CALN1: variants seen among roughly 807,000 people sequenced by gnomAD.
CALN1 encodes calcium-binding protein 8.
A neutral mutation model predicts 30.6 loss-of-function variants in CALN1; 17 were observed. That is an observed-to-expected ratio of 0.56 (90% CI 0.38 to 0.83). The LOEUF is 0.83. Among genes scored for constraint, CALN1 ranks in the 40% least tolerant of loss-of-function variants. The pLI, the probability that CALN1 is intolerant of heterozygous loss-of-function variation, is 0.00. For missense variants in CALN1, 291 were observed against 354.9 expected (o/e 0.82, Z 1.45); for synonymous variants, 156 against 131.4 (o/e 1.19, Z -1.28).
chr7:71,960,039 G>C (rs6971765), intron 5 of CALN1, among the ~76,000 whole-genome samples: 86,559 of 151,078 alleles, frequency 0.57, 25,451 homozygotes, highest in African/African-American at 0.69. Context: ...GAGACTGAGG[G>C]AGGAGAATCA....
At chr7:72,208,336 GTGGTTTCTAATAAGTT>G (rs1322375532) in intron 3 of CALN1, among the ~76,000 whole-genome samples, 2 of 152,172 alleles carry the variant, frequency 1.3e-5, no homozygotes, top group East Asian at 1.9e-4. Context: ...TTTCACACTG[GTGGTTTCTAATAAGTT>G]TGGTTTCTAA....
intron 5 of CALN1, among the ~76,000 whole-genome samples, chr7:71,901,622 T>C (rs942396006): frequency 3.3e-5 from 5 of 151,964 alleles, no homozygotes; most frequent in Admixed American, 3.3e-4. Flanking sequence ...GTAACATACC[T>C]AAAGCCAACT....
chr7:72,057,383 CTTTTTTTT>C (rs60838093), intron 4 of CALN1, among the ~76,000 whole-genome samples: 1 of 101,886 alleles, frequency 9.8e-6, no homozygotes, highest in East Asian at 2.9e-4. Flanking sequence ...TTTAAATGTT[CTTTTTTTT>C]TTTTTTTTTT....
rs1424396591 is a variant in CALN1, at chr7:72,232,626, A to C, written c.244+46060T>G. Among the ~76,000 whole-genome samples the C allele has an allele frequency of 7.9e-5, 12 of 152,234 alleles. No homozygotes were observed. In the East Asian group the frequency reaches 2.3e-3, roughly 29 times the overall value. The stretch of plus-strand genomic sequence containing the variant: ...CAAGCACCTGCCACCATGCTGGCTA[A>C]TTATTATATTTTTAGTACAGACAGG... On this transcript the variant is annotated intron_variant, in intron 3 of 6. Transcript: ENST00000395275.
chr7:72,205,551 A>AAATATATACATATATATAT, intron 3 of CALN1, among the ~76,000 whole-genome samples: 1,325 of 82,818 alleles, frequency 0.016, 181 homozygotes, highest in East Asian at 0.038. Flanking sequence ...GCAAAAAAAA[A>AAATATATACATATATATAT]ATATATATAT....
chr7:72,478,929 T>A, the CALN1 span, among the ~76,000 whole-genome samples: 2 of 150,588 alleles, frequency 1.3e-5, no homozygotes, highest in African/African-American at 4.9e-5. Context: ...TCACCAAGGC[T>A]GGAGTGCATT....
At chr7:72,205,653 C>T (rs555648087) in intron 3 of CALN1, among the ~76,000 whole-genome samples, 3 of 142,104 alleles carry the variant, frequency 2.1e-5, no homozygotes, top group South Asian at 2.3e-4. Flanking sequence ...TGGTTTATAA[C>T]GTTTTCCTTT....
intron 3 of CALN1, among the ~76,000 whole-genome samples, chr7:72,170,296 T>C (rs1368542878): frequency 6.6e-5 from 10 of 152,146 alleles, no homozygotes; most frequent in African/African-American, 1.9e-4. Flanking sequence ...TAACTCTTTA[T>C]TTTGCTGGCA....
intron 5 of CALN1, among the ~76,000 whole-genome samples, chr7:71,949,044 T>TAAAA (rs34370568): frequency 3.3e-4 from 22 of 66,902 alleles, no homozygotes; most frequent in African/African-American, 1.3e-3. Flanking sequence ...CTCTGTCTCT[T>TAAAA]AAAAAAAAAA....
At chr7:72,435,259 G>C (rs1352359155) in intron 1 of CALN1, among the ~76,000 whole-genome samples, 1 of 150,404 alleles carries the variant, frequency 6.6e-6, no homozygotes, top group Admixed American at 6.6e-5. Flanking sequence ...AAAGGAAAAA[G>C]AAAAGAAAGG....
At chr7:72,400,366 T>C (rs566824057) in intron 2 of CALN1, among the ~76,000 whole-genome samples, 2 of 152,240 alleles carry the variant, frequency 1.3e-5, no homozygotes, top group Non-Finnish European at 2.9e-5. Flanking sequence ...AGATAGCTAT[T>C]TGACAGGAAT....
chr7:72,094,520 C>T (rs1806086723), intron 4 of CALN1, among the ~76,000 whole-genome samples: 1 of 152,176 alleles, frequency 6.6e-6, no homozygotes, highest in African/African-American at 2.4e-5. Flanking sequence ...TCCCAAAGTG[C>T]TGGGATTACA....
chr7:71,921,485 G>GTTTCAATTATATA (rs1794941996), intron 5 of CALN1, among the ~76,000 whole-genome samples: 1 of 152,036 alleles, frequency 6.6e-6, no homozygotes, highest in Non-Finnish European at 1.5e-5. Context: ...GGCACAAAAG[G>GTTTCAATTATATA]ATTCCCTGAA....
At chr7:72,126,041 C>T (rs1374555829) in intron 3 of CALN1, among the ~76,000 whole-genome samples, 1 of 152,014 alleles carries the variant, frequency 6.6e-6, no homozygotes, top group Non-Finnish European at 1.5e-5. Context: ...CCTCATGATC[C>T]GCCCACCTCG....
At chr7:72,417,268 C>G (rs1013660305), upstream of CALN1, among the ~76,000 whole-genome samples, 7 of 152,212 alleles carry the variant, frequency 4.6e-5, no homozygotes, top group Non-Finnish European at 8.8e-5. Context: ...CCCCTGCGGT[C>G]TCTGGCCATC....
chr7:72,170,408 C>A (rs909990697), intron 3 of CALN1, among the ~76,000 whole-genome samples: 5 of 152,216 alleles, frequency 3.3e-5, no homozygotes, highest in Non-Finnish European at 5.9e-5. Context: ...AGTCTTCGAT[C>A]GTGACAAGGT....
At chr7:72,140,299 AG>A (rs61621445) in intron 3 of CALN1, among the ~76,000 whole-genome samples, 3 of 135,084 alleles carry the variant, frequency 2.2e-5, no homozygotes, top group Admixed American at 1.5e-4. Context: ...AGAGAGAGAG[AG>A]AGAGAAGAAA....
At chr7:72,380,667 G>GTGGA (rs142371252) in intron 2 of CALN1, among the ~76,000 whole-genome samples, 10,760 of 151,876 alleles carry the variant, frequency 0.071, 578 homozygotes, top group Non-Finnish European at 0.11. Context: ...CAGTGGGTTG[G>GTGGA]TGGATGGATG....
intron 2 of CALN1, among the ~76,000 whole-genome samples, chr7:72,397,780 G>C (rs898511947): frequency 4.2e-5 from 4 of 95,112 alleles, no homozygotes; most frequent in African/African-American, 2.1e-4. Flanking sequence ...GGTCCTCTAA[G>C]TATTAGCCTA....
Sources: gnomAD v4.1 joint callset for allele counts (sites outside exome capture counted in the v4.1 genomes callset) on GRCh38, gnomAD v4.1.1 for gene constraint, MANE v1.5 for transcripts, NCBI Gene and HGNC (gene_info 2026-07-23, HGNC 2026-07-21) for gene names.